Variants in ZC4H2 observed in about 807,000 individuals in gnomAD.
The protein encoded by ZC4H2 is zinc finger C4H2-type containing, also known as zinc finger C4H2 domain-containing protein.
For missense variants in ZC4H2, 137 were observed against 173.9 expected, an observed-to-expected ratio of 0.79 and a Z score of 1.19; for synonymous variants, 84 against 66.3, an observed-to-expected ratio of 1.27 and a Z score of -1.30.
chrX:64,995,902 G>A (rs886241962), intron 1 of ZC4H2, among the ~76,000 whole-genome samples: 63 of 112,435 alleles, frequency 5.6e-4, no homozygotes, highest in African/African-American at 1.5e-3. Flanking sequence ...TAAACAACAC[G>A]AAGATGCTTG....
chrX:64,984,226 T>C (rs1034135466), intron 1 of ZC4H2, among the ~76,000 whole-genome samples: 7 of 111,959 alleles, frequency 6.3e-5, no homozygotes, highest in African/African-American at 2.3e-4. Context: ...TCACTTAGGA[T>C]AATGTAATCA....
At chrX:64,990,476 T>C (rs770108017) in intron 1 of ZC4H2, among the ~76,000 whole-genome samples, 5 of 111,864 alleles carry the variant, frequency 4.5e-5, no homozygotes, top group Non-Finnish European at 9.4e-5. Context: ...CTCTGTGGTA[T>C]TGTACTATAG....
At chrX:64,949,737 T>C (rs1020528272) in intron 1 of ZC4H2, among the ~76,000 whole-genome samples, 6 of 111,725 alleles carry the variant, frequency 5.4e-5, no homozygotes, top group Admixed American at 9.5e-5. Flanking sequence ...TTCTACTCTC[T>C]TTTCTTCTTT....
At chrX:64,926,964 C>A (rs1929449205) in intron 1 of ZC4H2, among the ~76,000 whole-genome samples, 1 of 111,525 alleles carries the variant, frequency 9.0e-6, no homozygotes, top group East Asian at 2.8e-4. Flanking sequence ...TTTGTTTTCT[C>A]ACTGTTGAGT....
intron 1 of ZC4H2, among the ~76,000 whole-genome samples, chrX:64,955,713 C>T: frequency 8.9e-6 from 1 of 112,049 alleles, no homozygotes; most frequent in African/African-American, 3.2e-5. Context: ...TTGCTTATGC[C>T]TCTGAAGAAT....
chrX:64,919,303 G>T, intron 3 of ZC4H2, 99 bp from the exon 4 acceptor site: 2 of 1,006,554 alleles, frequency 2.0e-6, no homozygotes, highest in Non-Finnish European at 2.7e-6. Context: ...TTGAGCTGTG[G>T]CTCATTCTAG....
chrX:64,959,006 A>G (rs1477858629), intron 1 of ZC4H2, among the ~76,000 whole-genome samples: 1 of 111,342 alleles, frequency 9.0e-6, no homozygotes, highest in African/African-American at 3.3e-5. Context: ...AATAAGGACT[A>G]TATTACCCCA....
At chrX:65,027,290 A>C (rs138590785) in intron 1 of ZC4H2, among the ~76,000 whole-genome samples, 2 of 111,947 alleles carry the variant, frequency 1.8e-5, no homozygotes, top group East Asian at 5.6e-4. Flanking sequence ...AATAGATCTG[A>C]AACGTTTTTA....
intron 1 of ZC4H2, among the ~76,000 whole-genome samples, chrX:64,996,409 A>C (rs1932414962): frequency 9.0e-6 from 1 of 111,122 alleles, no homozygotes; most frequent in Non-Finnish European, 1.9e-5. Context: ...CCACATTATA[A>C]TATCCAAATG....
rs745518542 is a variant in ZC4H2, at chrX:64,916,619, G to T, written c.*1164C>A. The T allele has an allele frequency of 1.8e-5, 2 of 111,608 alleles. No individual in the cohort carries two copies. Among genetic ancestry groups the T allele is most frequent in the Admixed American group, 9.5e-5 (1 of 10,532 alleles). 9.2% of individuals were successfully genotyped at this position (111,608 alleles called of 1,213,427 possible). A position where few individuals can be genotyped will look rare whatever the true frequency, so the allele number is the denominator to read the frequency against. ...TGGGGCTAAAATTTTTTGTCAGTCA[G>T]CCCCCATCCCCATCCCTTATCTTCG... is the stretch of plus-strand genomic sequence containing the variant. On this transcript the variant is annotated 3_prime_UTR_variant, in exon 5 of 5. Transcript: ENST00000374839.
intron 1 of ZC4H2, among the ~76,000 whole-genome samples, chrX:64,961,598 C>T (rs1384557263): frequency 5.5e-5 from 6 of 109,264 alleles, no homozygotes; most frequent in Non-Finnish European, 7.7e-5. Context: ...CAGAAATAAG[C>T]CAAATAAAGA....
chrX:64,941,146 C>T (rs1214306406), intron 1 of ZC4H2, among the ~76,000 whole-genome samples: 1 of 111,655 alleles, frequency 9.0e-6, no homozygotes, highest in Non-Finnish European at 1.9e-5. Context: ...ATTTTATTCT[C>T]TTAATAGCAA....
At chrX:64,930,879 T>C (rs982243070) in intron 1 of ZC4H2, among the ~76,000 whole-genome samples, 30 of 111,958 alleles carry the variant, frequency 2.7e-4, no homozygotes, top group African/African-American at 9.7e-4. Context: ...CTTCATAGAA[T>C]GATTTAATGA....
At chrX:65,032,633 C>T (rs1452912796) in intron 1 of ZC4H2, among the ~76,000 whole-genome samples, 1 of 111,493 alleles carries the variant, frequency 9.0e-6, no homozygotes, top group African/African-American at 3.3e-5. Context: ...TTCGCCTTTC[C>T]AATTGTTCTT....
chrX:65,026,476 C>T (rs1932879891), intron 1 of ZC4H2, among the ~76,000 whole-genome samples: 1 of 110,305 alleles, frequency 9.1e-6, no homozygotes, highest in Non-Finnish European at 1.9e-5. Context: ...TTTGGGAGGC[C>T]GAGACAGGTG....
At chrX:64,979,211 GC>G (rs924194007), upstream of ZC4H2, among the ~76,000 whole-genome samples, 4 of 111,708 alleles carry the variant, frequency 3.6e-5, no homozygotes, top group Non-Finnish European at 5.6e-5. Context: ...TCTTCCTATG[GC>G]CCCATGCGGC....
intron 1 of ZC4H2, among the ~76,000 whole-genome samples, chrX:65,012,224 C>CAAAAAAAAAAAAA (rs10606871): frequency 3.9e-5 from 1 of 25,328 alleles, no homozygotes; most frequent in Non-Finnish European, 9.4e-5. Context: ...GACCCCGTCT[C>CAAAAAAAAAAAAA]AAAAAAAAAA....
rs764041106 is a variant in ZC4H2, at chrX:64,999,405, G to A, written c.-272+35224C>T. Among the ~76,000 whole-genome samples the A allele has an allele frequency of 5.4e-4, 61 of 112,169 alleles. No homozygotes were observed. The South Asian group carries it at 0.012, about 22-fold the overall frequency. ...TGTGCCTTGAAGAATTGTGCATTCCGGCACAGATACTATGCTTTGCCCATG... is the reference window on the plus strand; with the variant it reads ...TGTGCCTTGAAGAATTGTGCATTCCAGCACAGATACTATGCTTTGCCCATG... On this transcript the variant is annotated intron_variant, in intron 1 of 4. Transcript: ENST00000337990.
intron 1 of ZC4H2, among the ~76,000 whole-genome samples, chrX:64,990,883 A>G (rs1177355269): frequency 8.9e-6 from 1 of 111,976 alleles, no homozygotes; most frequent in African/African-American, 3.2e-5. Context: ...CTCTTGTGTT[A>G]ATGATCAACT....
Sources: gnomAD v4.1 joint callset for allele counts (sites outside exome capture counted in the v4.1 genomes callset) on GRCh38, gnomAD v4.1.1 for gene constraint, MANE v1.5 for transcripts, NCBI Gene and HGNC (gene_info 2026-07-23, HGNC 2026-07-21) for gene names.